Variants in PPP2R2B observed in about 807,000 individuals in gnomAD.
The protein encoded by PPP2R2B is protein phosphatase 2 regulatory subunit Bbeta, also known as serine/threonine-protein phosphatase 2A 55 kDa regulatory subunit B beta isoform.
A neutral mutation model predicts 46.0 loss-of-function variants in PPP2R2B; 5 were observed. That is an observed-to-expected ratio of 0.11 (90% CI 0.06 to 0.23). The LOEUF (loss-of-function observed/expected upper bound fraction) is 0.23. Among genes scored for constraint, PPP2R2B ranks in the 10% least tolerant of loss-of-function variants. The pLI, the probability that PPP2R2B is intolerant of heterozygous loss-of-function variation, is 1.00. For missense variants in PPP2R2B, 367 were observed against 575.0 expected, an observed-to-expected ratio of 0.64 and a Z score of 3.70; for synonymous variants, 215 against 206.7, an observed-to-expected ratio of 1.04 and a Z score of -0.34.
chr5:146,642,507 G>T (rs1775287635), intron 6 of PPP2R2B, among the ~76,000 whole-genome samples: 1 of 152,170 alleles, frequency 6.6e-6, no homozygotes, highest in African/African-American at 2.4e-5. Context: ...GTGATTAGAT[G>T]AATTTTTATA....
At chr5:147,069,251 G>A (rs540422930) in intron 2 of PPP2R2B, among the ~76,000 whole-genome samples, 1 of 152,248 alleles carries the variant, frequency 6.6e-6, no homozygotes, top group African/African-American at 2.4e-5. Flanking sequence ...GAGGTATGAA[G>A]AGCTCTACGT....
intron 5 of PPP2R2B, among the ~76,000 whole-genome samples, chr5:146,670,990 T>C (rs1190919626): frequency 6.6e-6 from 1 of 152,178 alleles, no homozygotes; most frequent in Non-Finnish European, 1.5e-5. Context: ...GAGTGTAAGG[T>C]CAGTTCTCAG....
intron 1 of PPP2R2B, among the ~76,000 whole-genome samples, chr5:146,957,236 T>C (rs1015858526): frequency 2.0e-5 from 3 of 152,204 alleles, no homozygotes; most frequent in Admixed American, 1.3e-4. Flanking sequence ...AAATGCAGAT[T>C]TCTAGATTCT....
intron 2 of PPP2R2B, among the ~76,000 whole-genome samples, chr5:146,732,608 A>G (rs17457697): frequency 0.02 from 3,052 of 152,346 alleles, 50 homozygotes; most frequent in Non-Finnish European, 0.032. Flanking sequence ...TACCACAAAC[A>G]ATAACAGCAT....
Position 146,878,482 on chromosome 5 carries a change from G to A in PPP2R2B, c.-125+109C>T. Reference sequence around the variant, plus strand: ...CCCTCCTTGGCAGCCGCTCCAAAATGCAAAAAAGATCCCTCCTCCCCCTGG... The same window carrying A: ...CCCTCCTTGGCAGCCGCTCCAAAATACAAAAAAGATCCCTCCTCCCCCTGG... On this transcript the variant is annotated intron_variant, in intron 1 of 9. Coordinates refer to ENST00000394411, the MANE Select transcript of PPP2R2B (RefSeq NM_181675.4). The surrounding 1 kb of genome is among the most constrained non-coding windows in gnomAD (Gnocchi z 4.5). 1 of 1,335,580 alleles carries A rather than the reference G, an allele frequency of 7.5e-7. No individual in the cohort carries two copies. The highest frequency in any genetic ancestry group is 1.5e-5 in the African/African-American group (1 of 67,058). 82.7% of individuals were successfully genotyped at this position (1,335,580 alleles called of 1,614,324 possible). A position where few individuals can be genotyped will look rare whatever the true frequency, so the allele number is the denominator to read the frequency against.
rs1159724045 is a variant in PPP2R2B, at chr5:146,733,472, A to G, written c.71-32330T>C. 2.6e-5 allele frequency among the ~76,000 whole-genome samples: 4 copies of G among 152,240 alleles called. No individual in the cohort carries two copies. The East Asian group carries it at 7.7e-4, about 29-fold the overall frequency. On this transcript the variant is annotated intron_variant, in intron 2 of 9. Coordinates refer to ENST00000394411, the MANE Select transcript of PPP2R2B (RefSeq NM_181675.4). Reference sequence around the variant, plus strand: ...AATTATAAATATTCTAAATGAGTAAATAGAAGACTACCCATTAACATTTGG... The same window carrying G: ...AATTATAAATATTCTAAATGAGTAAGTAGAAGACTACCCATTAACATTTGG...
chr5:146,679,053 C>A (rs1288733730), intron 5 of PPP2R2B, among the ~76,000 whole-genome samples: 1 of 68,008 alleles, frequency 1.5e-5, no homozygotes, highest in Non-Finnish European at 2.6e-5. Flanking sequence ...CTTTAAAGTT[C>A]ATATGGAACC....
At chr5:146,926,629 C>T (rs1297629001) in intron 1 of PPP2R2B, among the ~76,000 whole-genome samples, 1 of 152,138 alleles carries the variant, frequency 6.6e-6, no homozygotes, top group Non-Finnish European at 1.5e-5. Context: ...CATTTATGTT[C>T]AAACACCTTA....
intron 1 of PPP2R2B, among the ~76,000 whole-genome samples, chr5:147,042,328 A>G (rs1234187731): frequency 2.0e-5 from 3 of 152,132 alleles, no homozygotes; most frequent in Non-Finnish European, 4.4e-5. Context: ...CGGCTAAACA[A>G]GCGGACTCAA....
In PPP2R2B at chr5:146,839,534, T is replaced by C. The variant is rs565699912; in HGVS notation, c.70+38468A>G. The stretch of plus-strand genomic sequence containing the variant: ...ATCCCATCTCAAAAATATAGTAAAA[T>C]GTATATGCAATTTCCAAAAAATTAA... On this transcript the variant is annotated intron_variant, in intron 2 of 9. Transcript: ENST00000394411. Among the ~76,000 whole-genome samples, 6 of 152,212 alleles carry C rather than the reference T, an allele frequency of 3.9e-5. No individual in the cohort carries two copies. In the South Asian group the frequency reaches 1.2e-3, roughly 32 times the overall value.
intron 1 of PPP2R2B, among the ~76,000 whole-genome samples, chr5:146,995,695 G>T (rs1441491061): frequency 6.6e-6 from 1 of 152,154 alleles, no homozygotes; most frequent in Non-Finnish European, 1.5e-5. Flanking sequence ...ATTCTAGTGA[G>T]CAAGATAGTG....
At chr5:146,805,595 C>T (rs542165423) in intron 2 of PPP2R2B, among the ~76,000 whole-genome samples, 2 of 152,188 alleles carry the variant, frequency 1.3e-5, no homozygotes, top group Admixed American at 1.3e-4. Flanking sequence ...TCTGTGTTTG[C>T]ACTGTTCTTA....
chr5:146,706,952 T>G, intron 2 of PPP2R2B: 1 of 1,061,086 alleles, frequency 9.4e-7, no homozygotes, highest in African/African-American at 1.5e-5. Flanking sequence ...CCTGAGGAAG[T>G]TGATATCGTC....
intron 1 of PPP2R2B, among the ~76,000 whole-genome samples, chr5:146,889,907 G>A (rs928522971): frequency 2.2e-4 from 33 of 152,300 alleles, no homozygotes; most frequent in African/African-American, 7.5e-4. Context: ...AGAGCATTAG[G>A]TCTAGCCCGT....
At chr5:146,607,251 C>T (rs1429865533) in intron 7 of PPP2R2B, 2 of 152,138 alleles carry the variant, frequency 1.3e-5, no homozygotes, top group Non-Finnish European at 2.9e-5. Context: ...ACAATACTGG[C>T]CTTTATCCAG....
chr5:146,758,684 A>G lies in PPP2R2B; in HGVS notation c.71-57542T>C, dbSNP rs757241014. Among the ~76,000 whole-genome samples, 63 of 151,890 alleles carry G rather than the reference A, an allele frequency of 4.1e-4. 1 individual carries two copies. The highest frequency in any genetic ancestry group is 2.9e-4 in the Non-Finnish European group (20 of 67,972). ...AGTACCTAGTAGGAGCTTAATACCT[A>G]CGGGTCAAATGAAAGAAAGGAAGAA... On this transcript the variant is annotated intron_variant, in intron 2 of 9. Transcript: ENST00000394411.
chr5:147,012,650 T>C (rs1754797036), intron 1 of PPP2R2B, among the ~76,000 whole-genome samples: 3 of 151,788 alleles, frequency 2.0e-5, no homozygotes, highest in Admixed American at 2.0e-4. Flanking sequence ...CTTGCTTTTC[T>C]AGTTCTTTTA....
In PPP2R2B at chr5:146,846,372, C is replaced by T. The variant is rs183841529; in HGVS notation, c.70+31630G>A. On this transcript the variant is annotated intron_variant, in intron 2 of 9. Transcript: ENST00000394411. ...CCAGCCTGGGCGACAGAGTGAGACT[C>T]CATTTCAAAAAATAATAATAGTAAA... Among the ~76,000 whole-genome samples the T allele has an allele frequency of 1.0e-3, 154 of 147,734 alleles. 1 individual carries two copies. In the East Asian group the frequency reaches 0.018, roughly 17 times the overall value.
upstream of PPP2R2B, among the ~76,000 whole-genome samples, chr5:146,879,371 G>A (rs999532558): frequency 2.0e-5 from 3 of 152,132 alleles, no homozygotes; most frequent in Admixed American, 6.5e-5. Flanking sequence ...CTACACAGGT[G>A]GAGGAAAGCA....
Sources: gnomAD v4.1 joint callset for allele counts (sites outside exome capture counted in the v4.1 genomes callset) on GRCh38, gnomAD v4.1.1 for gene constraint, Gnocchi (gnomAD v3.1) non-coding constraint, MANE v1.5 for transcripts, NCBI Gene and HGNC (gene_info 2026-07-23, HGNC 2026-07-21) for gene names.